The following GRIP1 variants were observed in gnomAD, a reference collection of about 807,000 sequenced individuals.
GRIP1 encodes the protein glutamate receptor-interacting protein 1.
In GRIP1, 45 loss-of-function variants were observed where a neutral mutation model predicts 129.9. The ratio of observed to expected loss-of-function variants is 0.35; its 90% CI spans 0.27 to 0.44. GRIP1 has a LOEUF of 0.44. Among genes scored for constraint, GRIP1 ranks in the 20% least tolerant of loss-of-function variants. The probability of loss-of-function intolerance (pLI) is 1.00; values close to 1 mark genes in which losing one functional copy is unlikely to be tolerated. For synonymous variants in GRIP1, 530 were observed against 520.8 expected (o/e 1.02, Z -0.24); for missense variants, 1,196 against 1,396.8 (o/e 0.86, Z 2.29).
rs187415919 is a variant in GRIP1 at position 67,050,911 on chromosome 12, T to G, written c.58+18139A>C. Among the ~76,000 whole-genome samples, 26 of 152,276 alleles carry G rather than the reference T, an allele frequency of 1.7e-4. 1 individual carries two copies. Among genetic ancestry groups the G allele is most frequent in the Admixed American group, 1.5e-3 (23 of 15,300 alleles). ...TCACAGAACCTAAGGTCAGAGTTTG[T>G]CTGGCATGTCCAGAAAGGTAAGAGG... On this transcript the variant is annotated intron_variant, in intron 1 of 1. Coordinates refer to the GRIP1 transcript ENST00000643019.
intron 5 of GRIP1, among the ~76,000 whole-genome samples, chr12:66,528,499 A>G (rs2061339795): frequency 1.3e-5 from 2 of 152,156 alleles, no homozygotes; most frequent in Admixed American, 6.5e-5. Flanking sequence ...ATGCCATACT[A>G]TAATATGATG....
chr12:66,923,502 T>C (rs1010342612), intron 1 of GRIP1, among the ~76,000 whole-genome samples: 3 of 152,188 alleles, frequency 2.0e-5, no homozygotes, highest in East Asian at 3.8e-4. Flanking sequence ...ACAAGAGTTC[T>C]TCTCAACTCT....
At chr12:66,622,136 G>A (rs987877611) in intron 1 of GRIP1, among the ~76,000 whole-genome samples, 1 of 151,976 alleles carries the variant, frequency 6.6e-6, no homozygotes, top group Non-Finnish European at 1.5e-5. Flanking sequence ...TGGTGGCTGT[G>A]CTTTTGGTGT....
intron 1 of GRIP1, among the ~76,000 whole-genome samples, chr12:66,657,675 T>C (rs2033244842): frequency 6.6e-6 from 1 of 152,220 alleles, no homozygotes; most frequent in Non-Finnish European, 1.5e-5. Flanking sequence ...CCTTATCCCA[T>C]GTTTGTATGA....
intron 1 of GRIP1, among the ~76,000 whole-genome samples, chr12:66,767,987 C>T (rs1401352434): frequency 6.6e-6 from 1 of 152,182 alleles, no homozygotes; most frequent in Non-Finnish European, 1.5e-5. Flanking sequence ...TGTGTATATG[C>T]TGCAGGCTTA....
rs2041460912 is a variant in GRIP1, at chr12:66,934,961, C to T, written c.58+134089G>A. 2.0e-5 allele frequency among the ~76,000 whole-genome samples: 3 copies of T among 152,220 alleles called. No homozygotes were observed. In the South Asian group the frequency reaches 6.2e-4, roughly 32 times the overall value. On this transcript the variant is annotated intron_variant, in intron 1 of 1. Transcript: ENST00000643019. ...AGCCCTCGAGCCAAGGAATGGGTGA[C>T]ATCAACTTTATCCTCAGTGATTTAA...
intron 1 of GRIP1, among the ~76,000 whole-genome samples, chr12:66,709,729 A>G (rs2035652976): frequency 6.6e-6 from 1 of 151,982 alleles, no homozygotes; most frequent in African/African-American, 2.4e-5. Flanking sequence ...AACTAAAAAA[A>G]GTAAATGTCA....
chr12:66,410,096 A>G (rs1358866766), intron 15 of GRIP1, among the ~76,000 whole-genome samples: 5 of 149,908 alleles, frequency 3.3e-5, no homozygotes, highest in Non-Finnish European at 5.9e-5. Context: ...TAAAAATACA[A>G]AAAATTAGCC....
intron 16 of GRIP1, among the ~76,000 whole-genome samples, chr12:66,395,148 G>C (rs1435441518): frequency 6.6e-6 from 1 of 152,214 alleles, no homozygotes; most frequent in Admixed American, 6.5e-5. Flanking sequence ...GCACTGGCCA[G>C]AAAGATATCA....
intron 1 of GRIP1, among the ~76,000 whole-genome samples, chr12:66,970,952 C>T (rs539102994): frequency 5.1e-4 from 78 of 152,252 alleles, no homozygotes; most frequent in African/African-American, 1.8e-3. Context: ...TTACTTTCCC[C>T]TTCCCTTTGC....
chr12:66,633,230 T>C (rs1286856741), intron 1 of GRIP1, among the ~76,000 whole-genome samples: 1 of 147,440 alleles, frequency 6.8e-6, no homozygotes, highest in Non-Finnish European at 1.5e-5. Flanking sequence ...TATATATATA[T>C]GAGTATTTTA....
Position 66,371,814 on chromosome 12 carries a change from G to A in GRIP1, c.2892C>T (p.Tyr964=), listed in dbSNP as rs370345590. Residue 964 remains tyrosine (Y), a synonymous_variant, in exon 23 of 25, where the codon TAC becomes TAT. Coordinates refer to ENST00000359742, the MANE Select transcript of GRIP1 (RefSeq NM_001366722.1). The part of the protein sequence containing the change: ...FQERSSSRPH[Y]SQTTRSNTLP... ...GGGTGTTGCTCCGAGTTGTTTGGCT[G>A]TAGTGCGGCCGCGAGCTGCTGCGCT... 1 of 1,614,056 alleles carries A rather than the reference G, an allele frequency of 6.2e-7. No individual in the cohort carries two copies. The highest frequency in any genetic ancestry group is 8.5e-7 in the Non-Finnish European group (1 of 1,179,900).
chr12:66,910,619 A>G (rs1224102709), intron 1 of GRIP1, among the ~76,000 whole-genome samples: 1 of 152,118 alleles, frequency 6.6e-6, no homozygotes, highest in Non-Finnish European at 1.5e-5. Context: ...CCTTCTCTTA[A>G]CCTCAAAAAC....
upstream of GRIP1, among the ~76,000 whole-genome samples, chr12:66,809,005 C>G (rs1040405144): frequency 6.6e-6 from 1 of 152,148 alleles, no homozygotes; most frequent in Non-Finnish European, 1.5e-5. Context: ...GTTCACTAAA[C>G]TATAATATTA....
chr12:67,028,659 C>T (rs1015383935), intron 1 of GRIP1, among the ~76,000 whole-genome samples: 17 of 152,094 alleles, frequency 1.1e-4, no homozygotes, highest in Non-Finnish European at 1.5e-5. Flanking sequence ...GTGATTCCCT[C>T]CTCCTTTTTC....
chr12:66,988,623 C>T (rs562515755), intron 1 of GRIP1, among the ~76,000 whole-genome samples: 8 of 152,250 alleles, frequency 5.3e-5, no homozygotes, highest in East Asian at 1.9e-4. Context: ...AAGTGATCCC[C>T]GTCTCGGCCT....
chr12:66,927,601 T>C (rs2041317302), intron 1 of GRIP1, among the ~76,000 whole-genome samples: 1 of 152,156 alleles, frequency 6.6e-6, no homozygotes, highest in Admixed American at 6.5e-5. Context: ...TCCATAGAAC[T>C]TGGGTGCAGC....
At chr12:66,856,896 A>T (rs1278252932) in intron 1 of GRIP1, among the ~76,000 whole-genome samples, 7 of 152,054 alleles carry the variant, frequency 4.6e-5, no homozygotes, top group East Asian at 1.9e-4. Context: ...GGATTATAAA[A>T]CATGCTGCCA....
intron 1 of GRIP1, among the ~76,000 whole-genome samples, chr12:66,636,715 CTGTGTGTGTGTGTG>C (rs113361426): frequency 1.7e-4 from 25 of 145,212 alleles, no homozygotes; most frequent in Non-Finnish European, 3.5e-4. Context: ...CATTAGATCT[CTGTGTGTGTGTGTG>C]TGTGTGTGTG....
Sources: allele counts gnomAD v4.1 joint callset (sites outside exome capture counted in the v4.1 genomes callset), GRCh38; gene constraint gnomAD v4.1.1; transcripts MANE v1.5; gene names NCBI Gene and HGNC (gene_info 2026-07-23, HGNC 2026-07-21).